Variants in ERBIN observed in about 807,000 individuals in gnomAD.
ERBIN encodes densin-180-like protein.
A neutral mutation model predicts 158.4 loss-of-function variants in ERBIN; 60 were observed. The observed-to-expected ratio is 0.38, with a 90% CI of 0.31 to 0.47. ERBIN has a LOEUF of 0.47. ERBIN is among the 20% of genes least tolerant of loss of function. ERBIN has a pLI of 0.99. For missense variants in ERBIN, 1,610 were observed against 1,648.0 expected (o/e 0.98, Z 0.40); for synonymous variants, 594 against 557.2 (o/e 1.07, Z -0.93).
chr5:66,019,205 G>GAAAA (rs1362717205), intron 7 of ERBIN, among the ~76,000 whole-genome samples: 1 of 151,806 alleles, frequency 6.6e-6, no homozygotes, highest in Non-Finnish European at 1.5e-5. Flanking sequence ...TTTCCTAATG[G>GAAAA]TTTTTGCTTG....
chr5:66,046,656 G>T (rs1580454347), intron 18 of ERBIN, 118 bp downstream of exon 18: 13 of 783,238 alleles, frequency 1.7e-5, no homozygotes, highest in Middle Eastern at 7.6e-4. Flanking sequence ...TCATCATTGA[G>T]AAATTTCATA....
intron 21 of ERBIN, among the ~76,000 whole-genome samples, chr5:66,070,040 CATTT>C (rs991489564): frequency 2.0e-5 from 3 of 151,604 alleles, no homozygotes; most frequent in Non-Finnish European, 4.4e-5. Flanking sequence ...TTTATTTATT[CATTT>C]ATTTATTTAT....
rs1342044711 is a variant in ERBIN, at chr5:66,026,388, A to G, written c.1107A>G (p.Lys369=). ...TLPEEMGDMQ[K]LKVINLSDNR... ...CAGAGGAAATGGGTGATATGCAAAA[A>G]TTAAAAGTCATTAATTTAAGTGATA... The change falls in exon 13 of 26, where the codon AAA becomes AAG. Residue 369 remains lysine (K), a synonymous_variant. Coordinates refer to ENST00000284037, the MANE Select transcript of ERBIN (RefSeq NM_001253697.2). The G allele has an allele frequency of 1.3e-6, 2 of 1,596,310 alleles. No homozygotes were observed. Among genetic ancestry groups the G allele is most frequent in the East Asian group, 4.6e-5 (2 of 43,868 alleles).
chr5:66,003,959 G>T (rs891318485), intron 4 of ERBIN, among the ~76,000 whole-genome samples: 3 of 139,238 alleles, frequency 2.2e-5, no homozygotes, highest in Admixed American at 1.5e-4. Context: ...ATAAGAGGCG[G>T]TGTCTTGCTC....
At chr5:66,043,858 A>G (rs1171924383) in intron 16 of ERBIN, among the ~76,000 whole-genome samples, 1 of 152,228 alleles carries the variant, frequency 6.6e-6, no homozygotes, top group South Asian at 2.1e-4. Flanking sequence ...AAGCTAAGTG[A>G]CACAATTTTT....
intron 1 of ERBIN, among the ~76,000 whole-genome samples, chr5:65,966,220 G>A (rs758011145): frequency 1.3e-5 from 2 of 152,122 alleles, no homozygotes; most frequent in Non-Finnish European, 2.9e-5. Flanking sequence ...TGACTCATGG[G>A]GTTGTGTTGA....
intron 21 of ERBIN, among the ~76,000 whole-genome samples, chr5:66,061,944 T>C (rs1479468703): frequency 6.6e-6 from 1 of 152,254 alleles, no homozygotes; most frequent in African/African-American, 2.4e-5. Context: ...CCTTTTTGGG[T>C]AACCCAACCT....
At chr5:65,999,231 T>G (rs1448994761) in intron 4 of ERBIN, among the ~76,000 whole-genome samples, 1 of 151,920 alleles carries the variant, frequency 6.6e-6, no homozygotes, top group African/African-American at 2.4e-5. Context: ...CCAGGCTTGG[T>G]GGTGGACGCC....
At chr5:65,927,225 C>A (rs927444030) in intron 1 of ERBIN, among the ~76,000 whole-genome samples, 1 of 152,124 alleles carries the variant, frequency 6.6e-6, no homozygotes, top group Non-Finnish European at 1.5e-5. Flanking sequence ...ATTGAGATGG[C>A]TGCCGCGTTT....
intron 18 of ERBIN, among the ~76,000 whole-genome samples, chr5:66,047,337 A>G (rs1365943419): frequency 3.3e-5 from 5 of 152,052 alleles, no homozygotes; most frequent in Non-Finnish European, 5.9e-5. Context: ...ATAATACTAC[A>G]TTGTGTATAT....
At chr5:65,957,449 G>GT (rs879286223) in intron 1 of ERBIN, among the ~76,000 whole-genome samples, 3 of 152,150 alleles carry the variant, frequency 2.0e-5, no homozygotes, top group African/African-American at 2.4e-5. Flanking sequence ...TCAAGCATCT[G>GT]TTTAACAAAG....
intron 4 of ERBIN, among the ~76,000 whole-genome samples, chr5:66,007,405 G>A (rs940789389): frequency 7.2e-5 from 9 of 124,318 alleles, no homozygotes; most frequent in African/African-American, 2.4e-4. Context: ...TGGGGGAGCG[G>A]GGAGGGGATA....
At chr5:65,984,319 C>T (rs1165149074) in intron 1 of ERBIN, among the ~76,000 whole-genome samples, 3 of 152,202 alleles carry the variant, frequency 2.0e-5, no homozygotes, top group African/African-American at 7.2e-5. Flanking sequence ...CTCAGATCTA[C>T]ACTGAGGGCA....
At chr5:66,069,702 C>T (rs1283955271) in intron 21 of ERBIN, among the ~76,000 whole-genome samples, 3 of 152,152 alleles carry the variant, frequency 2.0e-5, no homozygotes, top group Non-Finnish European at 4.4e-5. Flanking sequence ...GTAGCATGGT[C>T]TCTAGAATAT....
At chr5:65,980,737 G>A (rs1478562034) in intron 1 of ERBIN, among the ~76,000 whole-genome samples, 4 of 150,476 alleles carry the variant, frequency 2.7e-5, no homozygotes, top group Non-Finnish European at 1.5e-5. Context: ...AAAAAACCTC[G>A]TAATGTGAGA....
Position 66,080,540 on chromosome 5 carries a change from AGTTT to A in ERBIN, c.*2015_*2018del, listed in dbSNP as rs1369631318. 6.6e-6 allele frequency: 1 copy of A among 151,506 alleles called. No individual in the cohort carries two copies. Among genetic ancestry groups the A allele is most frequent in the Non-Finnish European group, 1.5e-5 (1 of 67,776 alleles). The allele number at this position is 151,506 out of a possible 1,614,324, so 9.4% of individuals were successfully genotyped here. ...AAGTCTCGGTGTTCCCTTTATTCTT[AGTTT>A]GTTTTTAAATATTAATTTTGGCATT... On this transcript the variant is annotated 3_prime_UTR_variant, in exon 26 of 26. Coordinates refer to ENST00000284037, the MANE Select transcript of ERBIN (RefSeq NM_001253697.2).
At chr5:65,970,736 A>G (rs1263780678) in intron 1 of ERBIN, among the ~76,000 whole-genome samples, 1 of 152,128 alleles carries the variant, frequency 6.6e-6, no homozygotes, top group Non-Finnish European at 1.5e-5. Flanking sequence ...CTACAGACGT[A>G]CACCAGCATG....
intron 17 of ERBIN, among the ~76,000 whole-genome samples, chr5:66,045,086 C>T (rs1435892007): frequency 6.6e-6 from 1 of 151,834 alleles, no homozygotes; most frequent in Non-Finnish European, 1.5e-5. Flanking sequence ...GGCATGGTGG[C>T]ATGCTCCTGT....
intron 1 of ERBIN, among the ~76,000 whole-genome samples, chr5:65,939,419 A>T (rs1287633173): frequency 3.3e-5 from 5 of 152,170 alleles, no homozygotes; most frequent in Non-Finnish European, 7.4e-5. Flanking sequence ...CCTGGGCAAC[A>T]GGATGAGACT....
Sources: gnomAD v4.1 joint callset for allele counts (sites outside exome capture counted in the v4.1 genomes callset) on GRCh38, gnomAD v4.1.1 for gene constraint, MANE v1.5 for transcripts, NCBI Gene and HGNC (gene_info 2026-07-23, HGNC 2026-07-21) for gene names.